Variants in LACRT observed in about 807,000 individuals in gnomAD.
LACRT encodes lacritin, also known as extracellular glycoprotein lacritin.
A neutral mutation model predicts 14.5 loss-of-function variants in LACRT; 14 were observed. The observed-to-expected ratio is 0.96, with a 90% confidence interval of 0.64 to 1.51. LACRT has a LOEUF of 1.51. LACRT is among the 40% of genes most tolerant of loss of function. LACRT has a pLI of 0.00. For missense variants in LACRT, 156 were observed against 161.8 expected, an observed-to-expected ratio of 0.96 and a Z score of 0.19; for synonymous variants, 70 against 63.5, an observed-to-expected ratio of 1.10 and a Z score of -0.48.
chr12:54,633,155 G>A lies in LACRT; in HGVS notation c.112+25C>T, dbSNP rs763181671. Reference sequence around the variant, plus strand: ...TGTTAAACCTTCCCAACGAGGGCTAGGGCAGCAGGGAGAGGAGGACTCACA... The same window carrying A: ...TGTTAAACCTTCCCAACGAGGGCTAAGGCAGCAGGGAGAGGAGGACTCACA... On this transcript the variant is annotated intron_variant, in intron 2 of 4. Coordinates refer to ENST00000257867, the MANE Select transcript of LACRT (RefSeq NM_033277.2). 3.7e-6 allele frequency: 6 copies of A among 1,611,776 alleles called. No individual in the cohort carries two copies. The East Asian group carries it at 1.1e-4, about 30-fold the overall frequency.
chr12:54,632,463 C>A, intron 2 of LACRT, 82 bp from the exon 3 acceptor site: 1 of 1,499,786 alleles, frequency 6.7e-7, no homozygotes, highest in Non-Finnish European at 9.2e-7. Context: ...CCCAGGATAC[C>A]TAATGTGTGC....
In LACRT at chr12:54,632,497, T is replaced by C. The variant is rs1290650423; in HGVS notation, c.113-116A>G. 3 of 1,237,130 alleles carry C rather than the reference T, an allele frequency of 2.4e-6. No individual in the cohort carries two copies. In the East Asian group the frequency reaches 7.0e-5, roughly 29 times the overall value. 76.6% of individuals were successfully genotyped at this position (1,237,130 alleles called of 1,614,324 possible). On this transcript the variant is annotated intron_variant, in intron 2 of 4. Transcript: ENST00000257867. ...GCTGGGTGCCAGGATACAGAAGTGA[T>C]ATGGCTTAAACGCTGCCCCCTTAAG...
Position 54,631,022 on chromosome 12 carries a change from C to T in LACRT, c.356-69G>A. 8 of 945,694 alleles carry T rather than the reference C, an allele frequency of 8.5e-6. No individual in the cohort carries two copies. The South Asian group carries it at 1.1e-4, about 13-fold the overall frequency. The allele number at this position is 945,694 out of a possible 1,614,324, so 58.6% of individuals were successfully genotyped here. A position where few individuals can be genotyped will look rare whatever the true frequency, so the allele number is the denominator to read the frequency against. ...CACCAGCTCCACCCCTTCCATTTCT[C>T]CTCAATTCCATCTCTGCTTTCCAGA... On this transcript the variant is annotated intron_variant, in intron 4 of 4. Transcript: ENST00000257867.
In LACRT at chr12:54,631,739, T is replaced by C. The variant is rs759098121; in HGVS notation, c.354A>G (p.Glu118=). The C allele has an allele frequency of 3.1e-6, 5 of 1,611,238 alleles. No homozygotes were observed. Among genetic ancestry groups the C allele is most frequent in the Non-Finnish European group, 3.4e-6 (4 of 1,177,344 alleles). The change falls in exon 4 of 5, where the codon GAA becomes GAG. Residue 118 remains glutamate (E), a splice_region_variant and synonymous_variant. Transcript: ENST00000257867. ...GGVPGGKQFI[E]NGSEFAQKLL... Reference sequence around the variant, plus strand: ...AGCCTTGCCTTGGGATGCACTCACTTTCGATGAATTGTTTTCCACCTGGCA... The same window carrying C: ...AGCCTTGCCTTGGGATGCACTCACTCTCGATGAATTGTTTTCCACCTGGCA...
Position 54,632,269 on chromosome 12 carries a change from G to A in LACRT, c.225C>T (p.Thr75=). 6.2e-7 allele frequency: 1 copy of A among 1,614,114 alleles called. No homozygotes were observed. Among genetic ancestry groups the A allele is most frequent in the South Asian group, 1.1e-5 (1 of 91,078 alleles). The change falls in exon 3 of 5, where the codon ACC becomes ACT. Residue 75 remains threonine (T), a synonymous_variant. Coordinates refer to ENST00000257867, the MANE Select transcript of LACRT (RefSeq NM_033277.2). ...AAAVQGTAKV[T]SSRQELNPLK... ...GGGGGTTTAGTTCCTGCCTGCTTGA[G>A]GTGACCTTGGCTGTCCCCTGAACTG...
intron 3 of LACRT, 74 bp from the exon 4 acceptor site, chr12:54,631,913 T>A: frequency 2.1e-6 from 2 of 938,330 alleles, no homozygotes; most frequent in Admixed American, 1.8e-5. Flanking sequence ...TTGCCCCACC[T>A]GCACCCGCCC....
rs1958148356 is a variant in LACRT at position 54,630,937 on chromosome 12, T to C, written c.372A>G (p.Ala124=). 6.2e-7 allele frequency: 1 copy of C among 1,611,668 alleles called. No homozygotes were observed. Among genetic ancestry groups the C allele is most frequent in the Non-Finnish European group, 8.5e-7 (1 of 1,178,170 alleles). Residue 124 remains alanine (A), a synonymous_variant, in exon 5 of 5, where the codon GCA becomes GCG. Coordinates refer to ENST00000257867, the MANE Select transcript of LACRT (RefSeq NM_033277.2). ...KQFIENGSEF[A]QKLLKKFSLL... is the part of the protein sequence containing the mutation. The stretch of plus-strand genomic sequence containing the variant: ...GACTGAATTTCTTCAGTAATTTTTG[T>C]GCAAATTCACTTCCATCTAGAAGGA...
chr12:54,631,819 T>C lies in LACRT; in HGVS notation c.274A>G (p.Ile92Val). ...NPLKSIVEKS[I>V]LLTEQALAKA... ...GCAAGGGCTTGTTCTGTTAGTAAGA[T>C]ACTTTTCTCCACTATGGATTCTAAT... The change falls in exon 4 of 5, where the codon ATC becomes GTC. Residue 92 changes from isoleucine (I) to valine (V), a missense_variant. Transcript: ENST00000257867. The C allele has an allele frequency of 1.2e-6, 2 of 1,613,460 alleles. No individual in the cohort carries two copies. Among genetic ancestry groups the C allele is most frequent in the African/African-American group, 1.3e-5 (1 of 75,052 alleles).
intron 1 of LACRT, among the ~76,000 whole-genome samples, chr12:54,633,784 G>T (rs1228465175): frequency 2.6e-5 from 4 of 152,236 alleles, no homozygotes; most frequent in South Asian, 4.1e-4. Flanking sequence ...TTAATGGCTG[G>T]TGTGACAGTG....
rs549643591 is a variant in LACRT, at chr12:54,631,072, A to G, written c.356-119T>C. On this transcript the variant is annotated intron_variant, in intron 4 of 4. Coordinates refer to ENST00000257867, the MANE Select transcript of LACRT (RefSeq NM_033277.2). ...ACTTACTGAGACTCTGGAGAGGCTT[A>G]CACAGAAGTTGGAGGGATTGAGATT... 143 of 685,026 alleles carry G rather than the reference A, an allele frequency of 2.1e-4. No homozygotes were observed. In the Admixed American group the frequency reaches 3.3e-3, roughly 16 times the overall value. The allele number at this position is 685,026 out of a possible 1,614,324, so 42.4% of individuals were successfully genotyped here. A position where few individuals can be genotyped will look rare whatever the true frequency, so the allele number is the denominator to read the frequency against.
chr12:54,634,345 C>T (rs1342990496), intron 1 of LACRT, among the ~76,000 whole-genome samples: 6 of 114,164 alleles, frequency 5.3e-5, no homozygotes, highest in Non-Finnish European at 8.9e-5. Context: ...GAGGGAGACT[C>T]GGTCTCAAAA....
Position 54,632,383 on chromosome 12 carries a change from T to G in LACRT, c.113-2A>C, listed in dbSNP as rs2121270708. ...CTGAGATCTCTTCATTAGGCTTAGC[T>G]GTGAATGCACAAATTGATGGATTTT... On this transcript the variant is annotated splice_acceptor_variant, in intron 2 of 4. Transcript: ENST00000257867. LOFTEE classifies it high-confidence loss of function. 1 of 1,613,354 alleles carries G rather than the reference T, an allele frequency of 6.2e-7. No individual in the cohort carries two copies. The highest frequency in any genetic ancestry group is 2.2e-5 in the East Asian group (1 of 44,864).
At chr12:54,631,694 G>T in intron 4 of LACRT, 44 bp downstream of exon 4, 1 of 1,401,828 alleles carries the variant, frequency 7.1e-7, no homozygotes, top group Non-Finnish European at 1.0e-6. Flanking sequence ...GGTGGGTGGT[G>T]AGTATTCTCA....
intron 2 of LACRT, 40 bp downstream of exon 2, chr12:54,633,140 T>A: frequency 6.2e-7 from 1 of 1,603,364 alleles, no homozygotes; most frequent in Non-Finnish European, 8.5e-7. Flanking sequence ...TGTTAAACCT[T>A]CCCAACGAGG....
rs573732342 is a variant in LACRT at position 54,631,810 on chromosome 12, T to C, written c.283A>G (p.Thr95Ala). 8 of 1,613,828 alleles carry C rather than the reference T, an allele frequency of 5.0e-6. No homozygotes were observed. In the South Asian group the frequency reaches 5.5e-5, roughly 11 times the overall value. ...CCTGCTTTTGCAAGGGCTTGTTCTGTTAGTAAGATACTTTTCTCCACTATG... is the reference window on the plus strand; with the variant it reads ...CCTGCTTTTGCAAGGGCTTGTTCTGCTAGTAAGATACTTTTCTCCACTATG... ...KSIVEKSILL[T>A]EQALAKAGKG... Residue 95 changes from threonine to alanine, a missense_variant, in exon 4 of 5, where the codon ACA becomes GCA. Transcript: ENST00000257867.
intron 4 of LACRT, 89 bp downstream of exon 4, chr12:54,631,649 G>T: frequency 1.1e-6 from 1 of 923,510 alleles, no homozygotes; most frequent in Non-Finnish European, 1.8e-6. Flanking sequence ...AGGTGGAAAT[G>T]GGGGCAAGTT....
intron 4 of LACRT, among the ~76,000 whole-genome samples, chr12:54,631,167 C>G (rs1481046074): frequency 1.3e-5 from 2 of 152,212 alleles, no homozygotes; most frequent in Non-Finnish European, 2.9e-5. Flanking sequence ...AGAATAGAAA[C>G]AAGCAGGCTC....
intron 2 of LACRT, 116 bp downstream of exon 2, chr12:54,633,064 A>G: frequency 9.9e-7 from 1 of 1,009,108 alleles, no homozygotes; most frequent in Non-Finnish European, 1.6e-6. Flanking sequence ...CCCCATTACC[A>G]CCAAGCACAG....
intron 1 of LACRT, among the ~76,000 whole-genome samples, 187 bp from the exon 2 acceptor site, chr12:54,633,420 T>A (rs923608382): frequency 2.6e-5 from 4 of 152,216 alleles, no homozygotes; most frequent in African/African-American, 9.7e-5. Flanking sequence ...CTCTGATGTT[T>A]AACTCCTGTG....
Sources: gnomAD v4.1 joint callset for allele counts (sites outside exome capture counted in the v4.1 genomes callset) on GRCh38, gnomAD v4.1.1 for gene constraint, MANE v1.5 for transcripts, NCBI Gene and HGNC (gene_info 2026-07-23, HGNC 2026-07-21) for gene names.